PCNX2: variants seen among roughly 807,000 people sequenced by gnomAD.
PCNX2 encodes the protein pecanex-like protein 2.
In PCNX2, 168 loss-of-function variants were observed where a neutral mutation model predicts 223.8. The observed-to-expected ratio is 0.75, with a 90% confidence interval of 0.66 to 0.85. PCNX2 has a LOEUF of 0.85. Among genes scored for constraint, PCNX2 ranks in the 40% least tolerant of loss-of-function variants. The pLI is 0.00. For missense variants in PCNX2, 2,507 were observed against 2,675.5 expected, an observed-to-expected ratio of 0.94 and a Z score of 1.39; for synonymous variants, 1,006 against 1,052.6, an observed-to-expected ratio of 0.96 and a Z score of 0.86.
At chr1:233,028,740 T>A (rs994262561) in intron 25 of PCNX2, among the ~76,000 whole-genome samples, 2 of 152,186 alleles carry the variant, frequency 1.3e-5, no homozygotes, top group African/African-American at 2.4e-5. Context: ...ATTAATCCAT[T>A]TACATGTAAT....
intron 28 of PCNX2, among the ~76,000 whole-genome samples, chr1:233,007,647 C>T (rs1442198130): frequency 6.6e-6 from 1 of 152,202 alleles, no homozygotes; most frequent in South Asian, 2.1e-4. Flanking sequence ...AAATGATTCT[C>T]GCACCTCAGC....
At chr1:233,052,103 C>G (rs1306289520) in intron 25 of PCNX2, among the ~76,000 whole-genome samples, 1 of 152,114 alleles carries the variant, frequency 6.6e-6, no homozygotes, top group African/African-American at 2.4e-5. Flanking sequence ...AAACTAAGCC[C>G]CCTAAATTAG....
intron 1 of PCNX2, chr1:233,293,932 A>G: frequency 1.0e-6 from 1 of 980,800 alleles, no homozygotes. Context: ...TGGGGCCCAT[A>G]GGCTAAGGAA....
chr1:233,166,562 A>C (rs1338264291), intron 17 of PCNX2, among the ~76,000 whole-genome samples: 2 of 152,194 alleles, frequency 1.3e-5, no homozygotes, highest in Non-Finnish European at 2.9e-5. Context: ...TGCACATGAT[A>C]AAAAGTTCTG....
At position 233,135,128 on chromosome 1, in the gene PCNX2, G is replaced by A. The variant is rs1272324949; in HGVS notation, c.3722C>T (p.Pro1241Leu). ...GCTCAAGTTAATAAACTGGTAAACC[G>A]GGTTGCAGAATGATGTCCGCAACAG... ...MKLLRTSFCN[P>L]VYQFINLSFT... The change falls in exon 21 of 34, where the codon CCG (proline) becomes CTG (leucine). Residue 1241 changes from proline (P) to leucine (L), a missense_variant. Physicochemically the swap from Pro to Leu is moderately conservative, Grantham distance 98. Transcript: ENST00000258229. 5 of 1,613,570 alleles carry A rather than the reference G, an allele frequency of 3.1e-6. No homozygotes were observed. The highest frequency in any genetic ancestry group is 1.3e-5 in the African/African-American group (1 of 74,882).
intron 10 of PCNX2, among the ~76,000 whole-genome samples, 155 bp downstream of exon 10, chr1:233,227,071 T>C (rs1375148819): frequency 6.6e-6 from 1 of 152,228 alleles, no homozygotes; most frequent in African/African-American, 2.4e-5. Flanking sequence ...CAATTTGTTG[T>C]CAGGATCTTT....
Position 233,025,417 on chromosome 1 carries a change from T to A in PCNX2, c.4352-18A>T. On this transcript the variant is annotated intron_variant, in intron 25 of 33. Transcript: ENST00000258229. Reference sequence around the variant, plus strand: ...GTAGGTTCCTGGCCGAGCACAAACATGAAGGAAGTTTGAAGAGAAGGCATG... The same window carrying A: ...GTAGGTTCCTGGCCGAGCACAAACAAGAAGGAAGTTTGAAGAGAAGGCATG... The A allele has an allele frequency of 6.2e-7, 1 of 1,611,674 alleles. No individual in the cohort carries two copies. The highest frequency in any genetic ancestry group is 8.5e-7 in the Non-Finnish European group (1 of 1,178,228).
Position 233,103,077 on chromosome 1 carries a change from T to C in PCNX2, c.3838-7214A>G, listed in dbSNP as rs192753099. 3.9e-3 allele frequency among the ~76,000 whole-genome samples: 589 copies of C among 152,224 alleles called. 4 individuals carry two copies. The highest frequency in any genetic ancestry group is 0.014 in the African/African-American group (574 of 41,548). On this transcript the variant is annotated intron_variant, in intron 21 of 33. Coordinates refer to ENST00000258229, the MANE Select transcript of PCNX2 (RefSeq NM_014801.4). ...GTGAGAGATAGGATGAAACTAGATG[T>C]TTCATCCCTCTGAATATACATATCC...
At position 232,984,105 on chromosome 1, in the gene PCNX2, T is replaced by G; in HGVS notation, c.*199A>C. On this transcript the variant is annotated 3_prime_UTR_variant, in exon 34 of 34. Coordinates refer to ENST00000258229, the MANE Select transcript of PCNX2 (RefSeq NM_014801.4). ...TGTGAGGTTTTTTTGTTGTTGTTGT[T>G]TGATTTTTTTTTTTTTTTTTTTTTT... 2.5e-6 allele frequency: 1 copy of G among 398,348 alleles called. No homozygotes were observed. Among genetic ancestry groups the G allele is most frequent in the Non-Finnish European group, 4.1e-6 (1 of 241,106 alleles). 24.7% of individuals were successfully genotyped at this position (398,348 alleles called of 1,614,324 possible).
In PCNX2 at chr1:232,999,378, A is replaced by C. The variant is rs759391034; in HGVS notation, c.5330T>G (p.Val1777Gly). ...RSFLSFKVIK[V>G]NKECVRGLWA... The stretch of plus-strand genomic sequence containing the variant: ...AAGTCCTCGGACGCATTCTTTGTTA[A>C]CCTGCAGGTCAGAGAGGGAACGGGA... The change falls in exon 31 of 34, where the codon GTT becomes GGT. Residue 1777 changes from valine to glycine, a missense_variant and splice_region_variant. Physicochemically the swap from Val to Gly is moderately radical, Grantham distance 109. This residue lies in a region of PCNX2 where 1,372 missense variants were observed against 1,509.4 expected (regional missense o/e 0.91). Transcript: ENST00000258229. The C allele has an allele frequency of 6.3e-7, 1 of 1,590,092 alleles. No individual in the cohort carries two copies. The highest frequency in any genetic ancestry group is 2.3e-5 in the East Asian group (1 of 43,926).
intron 21 of PCNX2, among the ~76,000 whole-genome samples, chr1:233,128,114 AC>A (rs1231718523): frequency 6.6e-6 from 1 of 152,202 alleles, no homozygotes; most frequent in Non-Finnish European, 1.5e-5. Flanking sequence ...GATCATTCAT[AC>A]AGCTTTATCA....
At chr1:233,129,433 C>G (rs949632300) in intron 21 of PCNX2, among the ~76,000 whole-genome samples, 11 of 152,212 alleles carry the variant, frequency 7.2e-5, no homozygotes, top group African/African-American at 2.4e-4. Context: ...CAAGCCTCCC[C>G]GAAGAGCGCT....
chr1:233,089,761 T>C, intron 23 of PCNX2: 1 of 654,822 alleles, frequency 1.5e-6, no homozygotes, highest in Non-Finnish European at 2.1e-6. Context: ...AACAGTGGCT[T>C]GTACCTTCCC....
chr1:233,189,142 A>G (rs1338921913), intron 15 of PCNX2, among the ~76,000 whole-genome samples: 1 of 152,212 alleles, frequency 6.6e-6, no homozygotes, highest in Non-Finnish European at 1.5e-5. Context: ...GGTACTACTA[A>G]TCCATTTTAC....
intron 17 of PCNX2, among the ~76,000 whole-genome samples, chr1:233,161,601 G>T (rs1476415176): frequency 6.6e-6 from 1 of 152,146 alleles, no homozygotes; most frequent in Admixed American, 6.5e-5. Flanking sequence ...ATCACACACT[G>T]CAAGGTTAGT....
intron 22 of PCNX2, 119 bp downstream of exon 22, chr1:233,095,636 C>G: frequency 1.1e-6 from 1 of 919,198 alleles, no homozygotes; most frequent in East Asian, 2.6e-5. Context: ...CTTCATGTCC[C>G]CATTAAAATG....
At chr1:233,208,363 G>A (rs1681608971) in intron 13 of PCNX2, among the ~76,000 whole-genome samples, 155 bp downstream of exon 13, 1 of 152,182 alleles carries the variant, frequency 6.6e-6, no homozygotes, top group Non-Finnish European at 1.5e-5. Flanking sequence ...TGAGGCTTGG[G>A]CTCCCAGACA....
chr1:233,133,614 G>A (rs1465590234), intron 21 of PCNX2, among the ~76,000 whole-genome samples: 1 of 152,168 alleles, frequency 6.6e-6, no homozygotes, highest in Non-Finnish European at 1.5e-5. Flanking sequence ...CCAACACTTT[G>A]GGAGGCCAAG....
At position 233,258,996 on chromosome 1, in the gene PCNX2, C is replaced by G. The variant is rs536003904; in HGVS notation, c.866G>C (p.Ser289Thr). The change falls in exon 5 of 34, where the codon AGT (serine) becomes ACT (threonine). Residue 289 changes from serine to threonine, a missense_variant. This residue lies in a region of PCNX2 where 1,031 missense variants were observed against 1,021.7 expected (regional missense o/e 1.01). Coordinates refer to ENST00000258229, the MANE Select transcript of PCNX2 (RefSeq NM_014801.4). ...TTCCCTTATGGAGCCCCGGGGACAA[C>G]TGACAGGTTCTGGAATCAGGACTGA... ...ENSVLIPEPV[S>T]CPRGSIRERV... is the part of the protein sequence containing the mutation. The G allele has an allele frequency of 9.3e-6, 15 of 1,613,944 alleles. No homozygotes were observed. Among genetic ancestry groups the G allele is most frequent in the South Asian group, 2.2e-5 (2 of 91,078 alleles).
Sources: gnomAD v4.1 joint callset for allele counts (sites outside exome capture counted in the v4.1 genomes callset) on GRCh38, gnomAD v4.1.1 for gene constraint, gnomAD v4.1.1 regional missense constraint, MANE v1.5 for transcripts, NCBI Gene and HGNC (gene_info 2026-07-23, HGNC 2026-07-21) for gene names.